Variants in POLR3G observed in about 807,000 individuals in gnomAD.
POLR3G encodes the protein RNA polymerase III subunit G, also known as DNA-directed RNA polymerase III subunit RPC7.
POLR3G carries 28 observed loss-of-function variants against 30.1 expected under a neutral mutation model. The ratio of observed to expected loss-of-function variants is 0.93; its 90% CI spans 0.69 to 1.27. POLR3G has a LOEUF of 1.27. Among genes scored for constraint, POLR3G ranks in the 50% most tolerant of loss-of-function variants. The pLI is 0.00. For missense variants in POLR3G, 254 were observed against 264.6 expected (o/e 0.96, Z 0.28); for synonymous variants, 79 against 82.5 (o/e 0.96, Z 0.23).
chr5:90,474,699 C>T (rs1017499504), upstream of POLR3G: 1 of 230,184 alleles, frequency 4.3e-6, no homozygotes, highest in Non-Finnish European at 8.6e-6. Context: ...AGAGCTAGAA[C>T]CGCCCACCCA....
rs1751459688 is a variant in POLR3G, at chr5:90,486,770, C to T, written c.117+1086C>T. ...TCATTTATTTTTATGTCATTTGTCA[C>T]TATGTGAAATTGTATGTCACCTCAT... On this transcript the variant is annotated intron_variant, in intron 2 of 7. Transcript: ENST00000651687. Among the ~76,000 whole-genome samples the T allele has an allele frequency of 2.0e-5, 3 of 152,290 alleles. No homozygotes were observed. In the South Asian group the frequency reaches 6.2e-4, roughly 32 times the overall value.
intron 1 of POLR3G, among the ~76,000 whole-genome samples, chr5:90,478,569 C>CTTTTTTTTTTTTTTTTT (rs773881344): frequency 0.016 from 1,244 of 79,188 alleles, 315 homozygotes; most frequent in African/African-American, 0.03. Flanking sequence ...CTGCGTGGTT[C>CTTTTTTTTTTTTTTTTT]TTTTTTTTTT....
chr5:90,484,183 G>A (rs112315465), intron 1 of POLR3G, among the ~76,000 whole-genome samples: 2 of 152,152 alleles, frequency 1.3e-5, no homozygotes. Context: ...TATCTGGAAG[G>A]CTTCTTAAAA....
At position 90,475,008 on chromosome 5, in the gene POLR3G, A is replaced by T. The variant is rs1750720371; in HGVS notation, c.-56A>T. The T allele has an allele frequency of 6.6e-6, 1 of 152,226 alleles. No homozygotes were observed. The highest frequency in any genetic ancestry group is 2.1e-4 in the South Asian group (1 of 4,834). 9.4% of individuals were successfully genotyped at this position (152,226 alleles called of 1,614,324 possible). Reference sequence around the variant, plus strand: ...TGCAGAGTTTTGCCCACGCTTCGAGACTTAGGGAGCAGGTAACCGAGGAAG... The same window carrying T: ...TGCAGAGTTTTGCCCACGCTTCGAGTCTTAGGGAGCAGGTAACCGAGGAAG... On this transcript the variant is annotated 5_prime_UTR_variant, in exon 1 of 8. Coordinates refer to ENST00000651687, the MANE Select transcript of POLR3G (RefSeq NM_006467.3).
At chr5:90,493,003 A>G (rs1751806175) in intron 3 of POLR3G, among the ~76,000 whole-genome samples, 1 of 117,014 alleles carries the variant, frequency 8.5e-6, no homozygotes, top group Admixed American at 8.2e-5. Context: ...TATTTAGATG[A>G]TACACATATG....
chr5:90,474,386 T>C (rs774040817), upstream of POLR3G: 17 of 1,190,138 alleles, frequency 1.4e-5, no homozygotes, highest in Admixed American at 2.1e-5. Flanking sequence ...TGTGAAGCGG[T>C]CTGCCTGCAG....
intron 1 of POLR3G, among the ~76,000 whole-genome samples, chr5:90,480,900 C>A (rs1182078504): frequency 6.6e-6 from 1 of 152,040 alleles, no homozygotes; most frequent in African/African-American, 2.4e-5. Flanking sequence ...TCTCTAGGCT[C>A]AGCATATGTT....
chr5:90,512,830 A>AT lies in POLR3G; in HGVS notation c.*692dup, dbSNP rs1752800265. ...ACTTAATACTGTATATGAATTAATC[A>AT]TCCCACTGTAATAACTGACATCTTC... On this transcript the variant is annotated 3_prime_UTR_variant, in exon 8 of 8. Coordinates refer to ENST00000651687, the MANE Select transcript of POLR3G (RefSeq NM_006467.3). The AT allele has an allele frequency of 1.3e-5, 2 of 152,254 alleles. No individual in the cohort carries two copies. The highest frequency in any genetic ancestry group is 1.3e-4 in the Admixed American group (2 of 15,282). 9.4% of individuals were successfully genotyped at this position (152,254 alleles called of 1,614,324 possible). A position where few individuals can be genotyped will look rare whatever the true frequency, so the allele number is the denominator to read the frequency against.
At chr5:90,474,115 A>G, upstream of POLR3G, 5 of 1,580,806 alleles carry the variant, frequency 3.2e-6, no homozygotes, top group Non-Finnish European at 4.3e-6. Context: ...AAGAGGCCGG[A>G]GGAGTACAGG....
intron 4 of POLR3G, 61 bp from the exon 5 acceptor site, chr5:90,497,595 T>C: frequency 3.9e-6 from 6 of 1,544,158 alleles, no homozygotes; most frequent in Non-Finnish European, 4.4e-6. Context: ...CAAATAGTTA[T>C]GTTCAATGCC....
upstream of POLR3G, chr5:90,474,098 G>T (rs779048173): frequency 6.3e-7 from 1 of 1,575,902 alleles, no homozygotes; most frequent in South Asian, 1.2e-5. Context: ...TGGCCTCTCG[G>T]TCCTGCAAGA....
chr5:90,474,402 G>A, upstream of POLR3G: 1 of 1,024,304 alleles, frequency 9.8e-7, no homozygotes, highest in South Asian at 1.4e-5. Context: ...TGCAGCCAGG[G>A]AGGAGGCGTA....
chr5:90,490,638 G>A (rs1189227948), intron 3 of POLR3G: 2 of 397,106 alleles, frequency 5.0e-6, no homozygotes, highest in Non-Finnish European at 5.1e-6. Flanking sequence ...CACATTCCTG[G>A]CTTCAAGTGA....
At position 90,485,692 on chromosome 5, in the gene POLR3G, T is replaced by A. The variant is rs1751404313; in HGVS notation, c.117+8T>A. On this transcript the variant is annotated splice_region_variant and intron_variant, in intron 2 of 7. Coordinates refer to ENST00000651687, the MANE Select transcript of POLR3G (RefSeq NM_006467.3). Reference sequence around the variant, plus strand: ...CCACCCCCACTATTTCCTGTAAGTATATGAACAGTTGAATTCTCATAGTGT... The same window carrying A: ...CCACCCCCACTATTTCCTGTAAGTAAATGAACAGTTGAATTCTCATAGTGT... 3.2e-6 allele frequency: 5 copies of A among 1,578,658 alleles called. No individual in the cohort carries two copies. Among genetic ancestry groups the A allele is most frequent in the Non-Finnish European group, 4.3e-6 (5 of 1,149,746 alleles).
intron 3 of POLR3G, among the ~76,000 whole-genome samples, chr5:90,492,376 A>G (rs1751767137): frequency 6.6e-6 from 1 of 152,220 alleles, no homozygotes; most frequent in South Asian, 2.1e-4. Context: ...GTTCTATGAT[A>G]TTTGTGCACC....
At position 90,512,331 on chromosome 5, in the gene POLR3G, G is replaced by T; in HGVS notation, c.*192G>T. The T allele has an allele frequency of 1.9e-6, 1 of 524,040 alleles. No individual in the cohort carries two copies. The highest frequency in any genetic ancestry group is 3.5e-6 in the Non-Finnish European group (1 of 284,560). The allele number at this position is 524,040 out of a possible 1,614,324, so 32.5% of individuals were successfully genotyped here. On this transcript the variant is annotated 3_prime_UTR_variant, in exon 8 of 8. Coordinates refer to ENST00000651687, the MANE Select transcript of POLR3G (RefSeq NM_006467.3). The stretch of plus-strand genomic sequence containing the variant: ...CTTAAAAATTATTCCCTGACACTCT[G>T]ACATTCCTTCTAAACACCTCTGCCA...
chr5:90,501,973 G>A lies in POLR3G; in HGVS notation c.423G>A (p.Val141=). The stretch of plus-strand genomic sequence containing the variant: ...CACCACTCACTAATACTGAAGATGT[G>A]TTGAAAAAAATGGAGGTAAGGTTTT... The part of the protein sequence containing the change: ...KGTPLTNTED[V]LKKMEELEKR... The change falls in exon 6 of 8, where the codon GTG becomes GTA. Residue 141 remains valine, a synonymous_variant. Transcript: ENST00000651687. 7.4e-6 allele frequency: 12 copies of A among 1,612,380 alleles called. No homozygotes were observed. The highest frequency in any genetic ancestry group is 1.0e-5 in the Non-Finnish European group (12 of 1,179,100).
chr5:90,476,969 A>C (rs1308584632), intron 1 of POLR3G, among the ~76,000 whole-genome samples: 2 of 152,160 alleles, frequency 1.3e-5, no homozygotes, highest in African/African-American at 4.8e-5. Context: ...GAGAGGAGAA[A>C]TTTTGTTTTG....
rs555045860 is a variant in POLR3G at position 90,514,161 on chromosome 5, G to C, written c.*2022G>C. ...TTTACAATGTTAAAGTATACTAGTT[G>C]CAAGAACAAGCAGGATTTGCAGGTT... On this transcript the variant is annotated 3_prime_UTR_variant, in exon 8 of 8. Coordinates refer to ENST00000651687, the MANE Select transcript of POLR3G (RefSeq NM_006467.3). 29 of 152,252 alleles carry C rather than the reference G, an allele frequency of 1.9e-4. No homozygotes were observed. Among genetic ancestry groups the C allele is most frequent in the African/African-American group, 6.7e-4 (28 of 41,542 alleles). The allele number at this position is 152,252 out of a possible 1,614,324, so 9.4% of individuals were successfully genotyped here.
Sources: gnomAD v4.1 joint callset for allele counts (sites outside exome capture counted in the v4.1 genomes callset) on GRCh38, gnomAD v4.1.1 for gene constraint, MANE v1.5 for transcripts, NCBI Gene and HGNC (gene_info 2026-07-23, HGNC 2026-07-21) for gene names.